The following FKBP6 variants were observed in gnomAD, a reference collection of about 807,000 sequenced individuals.
The protein encoded by FKBP6 is FKBP prolyl isomerase family member 6 (inactive).
A neutral mutation model predicts 41.7 loss-of-function variants in FKBP6; 29 were observed. That is an observed-to-expected ratio of 0.70 (90% CI 0.52 to 0.95). FKBP6 has a LOEUF of 0.95. Ranked by LOEUF, FKBP6 falls within the 40% of genes least tolerant of loss-of-function variation. The probability of loss-of-function intolerance (pLI) is 0.00; values close to 1 mark genes in which losing one functional copy is unlikely to be tolerated. For missense variants in FKBP6, 338 were observed against 408.7 expected (o/e 0.83, Z 1.49); for synonymous variants, 130 against 165.1 (o/e 0.79, Z 1.63).
chr7:73,347,505 T>G (rs1435858594), intron 8 of FKBP6, among the ~76,000 whole-genome samples: 1 of 152,242 alleles, frequency 6.6e-6, no homozygotes, highest in Non-Finnish European at 1.5e-5. Flanking sequence ...GTTTTGGATA[T>G]TTATCTGTTG....
At chr7:73,350,501 AC>A (rs1484297853) in intron 8 of FKBP6, among the ~76,000 whole-genome samples, 8 of 152,040 alleles carry the variant, frequency 5.3e-5, no homozygotes, top group African/African-American at 1.9e-4. Flanking sequence ...GCGGCCATGC[AC>A]TTTTATCCTT....
intron 5 of FKBP6, among the ~76,000 whole-genome samples, chr7:73,333,200 G>T (rs192881744): frequency 6.6e-6 from 1 of 151,994 alleles, no homozygotes; most frequent in East Asian, 1.9e-4. Context: ...GAACCCAGGA[G>T]GCGGAGGTTG....
chr7:73,333,772 G>A (rs1554548088), intron 5 of FKBP6, among the ~76,000 whole-genome samples: 1 of 152,152 alleles, frequency 6.6e-6, no homozygotes, highest in Non-Finnish European at 1.5e-5. Flanking sequence ...GTCTAGAGTT[G>A]TTATTAAAAA....
Position 73,331,845 on chromosome 7 carries a change from T to G in FKBP6, c.588+69T>G, listed in dbSNP as rs1804855476. ...ACTTCCTTGTTTAAAAAACACAGAT[T>G]TTGTTTTGTTGTGATTTTTGTTTTG... On this transcript the variant is annotated intron_variant, in intron 5 of 8. Coordinates refer to ENST00000252037, the MANE Select transcript of FKBP6 (RefSeq NM_003602.5). 5.9e-6 allele frequency: 9 copies of G among 1,512,910 alleles called. No individual in the cohort carries two copies. In the South Asian group the frequency reaches 9.0e-5, roughly 15 times the overall value. The allele number at this position is 1,512,910 out of a possible 1,614,324, so 93.7% of individuals were successfully genotyped here. A position where few individuals can be genotyped will look rare whatever the true frequency, so the allele number is the denominator to read the frequency against.
rs542295799 is a variant in FKBP6 at position 73,350,123 on chromosome 7, T to G, written c.*2+7224T>G. Reference sequence around the variant, plus strand: ...CCCCTGCTGTCCGGCCACAGACCCCTTAATAGCAAAACGATGTGCAGCTTA... The same window carrying G: ...CCCCTGCTGTCCGGCCACAGACCCCGTAATAGCAAAACGATGTGCAGCTTA... On this transcript the variant is annotated intron_variant, in intron 8 of 8. Coordinates refer to ENST00000252037, the MANE Select transcript of FKBP6 (RefSeq NM_003602.5). 5.3e-5 allele frequency among the ~76,000 whole-genome samples: 8 copies of G among 152,308 alleles called. 1 individual carries two copies. The South Asian group carries it at 1.7e-3, about 32-fold the overall frequency.
intron 8 of FKBP6, among the ~76,000 whole-genome samples, chr7:73,348,459 C>G (rs1805397325): frequency 6.6e-6 from 1 of 152,236 alleles, no homozygotes; most frequent in Admixed American, 6.5e-5. Flanking sequence ...CTATTTCCTT[C>G]TATACTCTCC....
At chr7:73,337,245 A>T (rs180829376) in intron 5 of FKBP6, among the ~76,000 whole-genome samples, 78 of 151,810 alleles carry the variant, frequency 5.1e-4, no homozygotes, top group African/African-American at 1.8e-3. Flanking sequence ...AGGACCAAGG[A>T]AGGCTCATGA....
intron 8 of FKBP6, among the ~76,000 whole-genome samples, chr7:73,355,837 C>G (rs1805615382): frequency 1.3e-5 from 2 of 151,938 alleles, no homozygotes; most frequent in Admixed American, 1.3e-4. Context: ...GAGGCCGAAG[C>G]AGGCAGATCA....
intron 4 of FKBP6, among the ~76,000 whole-genome samples, chr7:73,330,663 T>G (rs1489486020): frequency 6.6e-6 from 1 of 152,222 alleles, no homozygotes; most frequent in Non-Finnish European, 1.5e-5. Flanking sequence ...TTTCATCGTT[T>G]GGTTTCCAGC....
chr7:73,357,683 A>T (rs1437127139), intron 8 of FKBP6, among the ~76,000 whole-genome samples: 9 of 151,558 alleles, frequency 5.9e-5, no homozygotes, highest in African/African-American at 2.2e-4. Flanking sequence ...CTTTGGTTGT[A>T]TTGGGGTAGG....
At chr7:73,329,728 C>T in intron 3 of FKBP6, 2 of 557,922 alleles carry the variant, frequency 3.6e-6, no homozygotes, top group Non-Finnish European at 6.4e-6. Context: ...ACTTACTTCC[C>T]ACAATACATG....
chr7:73,353,669 A>G (rs1174671076), intron 8 of FKBP6, among the ~76,000 whole-genome samples: 2 of 151,988 alleles, frequency 1.3e-5, no homozygotes, highest in Non-Finnish European at 2.9e-5. Context: ...CATTTTTCCA[A>G]CAGCATGTGC....
At chr7:73,352,825 T>C (rs1554551318) in intron 8 of FKBP6, among the ~76,000 whole-genome samples, 1 of 152,032 alleles carries the variant, frequency 6.6e-6, no homozygotes, top group African/African-American at 2.4e-5. Flanking sequence ...ACAGCAGTCA[T>C]TGTCAGCATC....
At chr7:73,334,689 A>G (rs1297593578) in intron 5 of FKBP6, among the ~76,000 whole-genome samples, 1 of 152,080 alleles carries the variant, frequency 6.6e-6, no homozygotes, top group African/African-American at 2.4e-5. Context: ...TTCTTGTTTC[A>G]TGTGTATATT....
At chr7:73,329,913 G>A in intron 3 of FKBP6, 1 of 595,098 alleles carries the variant, frequency 1.7e-6, no homozygotes, top group Non-Finnish European at 3.0e-6. Context: ...TTCTAGCTGG[G>A]AGGTTCAGGG....
chr7:73,357,098 T>C (rs1042040164), intron 8 of FKBP6, among the ~76,000 whole-genome samples: 2 of 152,038 alleles, frequency 1.3e-5, no homozygotes, highest in Admixed American at 1.3e-4. Flanking sequence ...TCATGTCTTA[T>C]TCAGAGCCTG....
intron 8 of FKBP6, among the ~76,000 whole-genome samples, chr7:73,349,868 G>A (rs1253885242): frequency 6.6e-6 from 1 of 152,142 alleles, no homozygotes; most frequent in East Asian, 1.9e-4. Context: ...TGAATGGTTG[G>A]CCATTGGTGA....
At chr7:73,349,885 G>T (rs112298698) in intron 8 of FKBP6, among the ~76,000 whole-genome samples, 3 of 152,180 alleles carry the variant, frequency 2.0e-5, no homozygotes, top group African/African-American at 7.2e-5. Flanking sequence ...GTGATTGCCA[G>T]TTGAAGGTTG....
intron 3 of FKBP6, 39 bp from the exon 4 acceptor site, chr7:73,330,111 T>C: frequency 1.3e-6 from 2 of 1,510,776 alleles, no homozygotes; most frequent in East Asian, 2.3e-5. Flanking sequence ...AGCAGGATAC[T>C]GAGCAAGCTT....
Sources: allele counts gnomAD v4.1 joint callset (sites outside exome capture counted in the v4.1 genomes callset), GRCh38; gene constraint gnomAD v4.1.1; transcripts MANE v1.5; gene names NCBI Gene and HGNC (gene_info 2026-07-23, HGNC 2026-07-21).